Variants in DEUP1 observed in about 807,000 individuals in gnomAD.
DEUP1 encodes the protein deuterosome assembly protein 1, also known as coiled-coil domain containing 67.
A neutral mutation model predicts 87.4 loss-of-function variants in DEUP1; 82 were observed. The observed-to-expected ratio is 0.94, with a 90% CI of 0.78 to 1.13. DEUP1 has a LOEUF of 1.13. Among genes scored for constraint, DEUP1 ranks in the 50% most tolerant of loss-of-function variants. DEUP1 has a pLI of 0.00. For missense variants in DEUP1, 663 were observed against 681.5 expected, an observed-to-expected ratio of 0.97 and a Z score of 0.30; for synonymous variants, 214 against 222.7, an observed-to-expected ratio of 0.96 and a Z score of 0.35.
intron 7 of DEUP1, among the ~76,000 whole-genome samples, chr11:93,376,660 T>A (rs1946056392): frequency 6.6e-6 from 1 of 152,132 alleles, no homozygotes; most frequent in Non-Finnish European, 1.5e-5. Context: ...TTTTATTGGG[T>A]TTGAGTTTGG....
intron 13 of DEUP1, among the ~76,000 whole-genome samples, chr11:93,435,539 T>G (rs1948217916): frequency 6.6e-6 from 1 of 152,186 alleles, no homozygotes; most frequent in South Asian, 2.1e-4. Context: ...AACACAGCTT[T>G]CCCGATGAAA....
At chr11:93,402,600 C>A (rs1282039833) in intron 11 of DEUP1, among the ~76,000 whole-genome samples, 1 of 151,860 alleles carries the variant, frequency 6.6e-6, no homozygotes, top group African/African-American at 2.4e-5. Context: ...AATGTAGAAT[C>A]AACTTAAGTG....
intron 11 of DEUP1, among the ~76,000 whole-genome samples, chr11:93,403,967 T>C (rs868669086): frequency 4.5e-4 from 69 of 152,086 alleles, no homozygotes; most frequent in African/African-American, 1.5e-3. Context: ...ATTAAAATAA[T>C]AACTTTTTCC....
chr11:93,391,959 A>T (rs569499355), intron 9 of DEUP1, among the ~76,000 whole-genome samples: 10 of 152,036 alleles, frequency 6.6e-5, no homozygotes, highest in African/African-American at 2.2e-4. Flanking sequence ...ACTCTTTTTT[A>T]AAAAAATCTG....
chr11:93,332,480 C>T (rs557722155), intron 2 of DEUP1, among the ~76,000 whole-genome samples, 192 bp downstream of exon 2: 2 of 152,314 alleles, frequency 1.3e-5, no homozygotes, highest in South Asian at 4.1e-4. Context: ...TTTGACACTA[C>T]AGATCTGCAC....
intron 13 of DEUP1, among the ~76,000 whole-genome samples, chr11:93,417,130 T>G (rs965650312): frequency 1.4e-5 from 2 of 144,396 alleles, no homozygotes; most frequent in Non-Finnish European, 3.0e-5. Flanking sequence ...AAGACAGGGA[T>G]GCCCTCTCTC....
intron 3 of DEUP1, among the ~76,000 whole-genome samples, chr11:93,355,947 CA>C (rs1944874611): frequency 6.6e-6 from 1 of 152,106 alleles, no homozygotes; most frequent in South Asian, 2.1e-4. Flanking sequence ...AGTAAGATGT[CA>C]AGAATTGATA....
intron 7 of DEUP1, among the ~76,000 whole-genome samples, chr11:93,374,443 G>T (rs1444545330): frequency 6.6e-6 from 1 of 152,108 alleles, no homozygotes; most frequent in Non-Finnish European, 1.5e-5. Flanking sequence ...TCCATCTTTA[G>T]TTGATTTTTG....
At chr11:93,330,379 G>C (rs1943405308), upstream of DEUP1, 1 of 152,490 alleles carries the variant, frequency 6.6e-6, no homozygotes, top group Admixed American at 6.5e-5. Flanking sequence ...CCAGCCTTGG[G>C]GTAGGCAGTG....
intron 5 of DEUP1, among the ~76,000 whole-genome samples, chr11:93,369,082 G>A (rs1468127400): frequency 6.6e-6 from 1 of 152,096 alleles, no homozygotes; most frequent in East Asian, 1.9e-4. Context: ...GTCAGATTCT[G>A]GTGAGGGCCC....
chr11:93,370,076 T>C lies in DEUP1; in HGVS notation c.436T>C (p.Phe146Leu), dbSNP rs1945639287. ...LSNLNQKLEE[F>L]RAKSREWDKQ... ...TTGTCTCCCCACTTTTTAAAAGGAATTTAGAGCAAAGTCAAGAGAATGGGA... is the reference window on the plus strand; with the variant it reads ...TTGTCTCCCCACTTTTTAAAAGGAACTTAGAGCAAAGTCAAGAGAATGGGA... Residue 146 changes from phenylalanine to leucine, a missense_variant, in exon 6 of 14, where the codon TTT becomes CTT. Phe to Leu is a conservative substitution (Grantham distance 22). Coordinates refer to ENST00000298050, the MANE Select transcript of DEUP1 (RefSeq NM_181645.4). The C allele has an allele frequency of 6.3e-7, 1 of 1,579,160 alleles. No individual in the cohort carries two copies. Among genetic ancestry groups the C allele is most frequent in the Non-Finnish European group, 8.7e-7 (1 of 1,153,654 alleles).
chr11:93,373,650 T>TAC (rs1555048305), intron 7 of DEUP1, among the ~76,000 whole-genome samples: 3 of 140,468 alleles, frequency 2.1e-5, no homozygotes, highest in South Asian at 2.2e-4. Context: ...TATATATATA[T>TAC]ACGTATATAT....
chr11:93,414,384 G>T (rs1027448213), intron 12 of DEUP1, among the ~76,000 whole-genome samples: 4 of 152,044 alleles, frequency 2.6e-5, no homozygotes, highest in Non-Finnish European at 5.9e-5. Flanking sequence ...GTGGTGGCGG[G>T]CGCCTATAAT....
intron 12 of DEUP1, among the ~76,000 whole-genome samples, chr11:93,414,080 T>C (rs575209321): frequency 2.2e-4 from 34 of 152,306 alleles, no homozygotes; most frequent in African/African-American, 8.2e-4. Flanking sequence ...AACCCTTTTA[T>C]AAGTGAGAAA....
At chr11:93,387,230 A>AT (rs932128929) in intron 8 of DEUP1, among the ~76,000 whole-genome samples, 7 of 152,014 alleles carry the variant, frequency 4.6e-5, no homozygotes, top group Non-Finnish European at 7.4e-5. Context: ...AAAGAGTCTA[A>AT]TTTTTTTAGT....
intron 9 of DEUP1, among the ~76,000 whole-genome samples, chr11:93,391,892 C>T (rs528596482): frequency 9.9e-5 from 15 of 152,058 alleles, no homozygotes; most frequent in East Asian, 9.7e-4. Flanking sequence ...TATTGTCCTC[C>T]GGGTTAGGAT....
chr11:93,385,968 G>A (rs1272817302), intron 8 of DEUP1, among the ~76,000 whole-genome samples: 2 of 151,760 alleles, frequency 1.3e-5, no homozygotes, highest in African/African-American at 2.4e-5. Flanking sequence ...TGGGAGGGTC[G>A]CTTGAGCCTG....
At chr11:93,385,640 T>TC in intron 8 of DEUP1, 97 bp downstream of exon 8, 1 of 893,794 alleles carries the variant, frequency 1.1e-6, no homozygotes, top group East Asian at 2.9e-5. Context: ...ATATAAAGTC[T>TC]ATTTTGTATT....
chr11:93,432,871 G>T (rs1180062040), intron 13 of DEUP1, among the ~76,000 whole-genome samples: 1 of 152,156 alleles, frequency 6.6e-6, no homozygotes, highest in East Asian at 1.9e-4. Flanking sequence ...AGTAAATAAT[G>T]CAGTTCTCAT....
Sources: allele counts gnomAD v4.1 joint callset (sites outside exome capture counted in the v4.1 genomes callset), GRCh38; gene constraint gnomAD v4.1.1; transcripts MANE v1.5; gene names NCBI Gene and HGNC (gene_info 2026-07-23, HGNC 2026-07-21).